The following SLCO1B1 variants were observed in gnomAD, a reference collection of about 807,000 sequenced individuals.
SLCO1B1 encodes the protein solute carrier organic anion transporter family member 1B1.
Under a neutral mutation model 70.1 loss-of-function variants are expected in SLCO1B1, and 81 were observed. That is an observed-to-expected ratio of 1.16 (90% CI 0.97 to 1.39). The LOEUF is 1.39. Ranked by LOEUF, SLCO1B1 falls within the 40% of genes most tolerant of loss-of-function variation. The pLI is 0.00. For missense variants in SLCO1B1, 895 were observed against 799.6 expected, an observed-to-expected ratio of 1.12 and a Z score of -1.44; for synonymous variants, 283 against 271.5, an observed-to-expected ratio of 1.04 and a Z score of -0.42.
At chr12:21,141,824 T>A (rs1940313638) in intron 2 of SLCO1B1, among the ~76,000 whole-genome samples, 166 bp downstream of exon 2, 1 of 151,972 alleles carries the variant, frequency 6.6e-6, no homozygotes, top group Non-Finnish European at 1.5e-5. Flanking sequence ...AAACCAGTCT[T>A]TTAATCTGAT....
chr12:21,206,648 A>G (rs1419410411), intron 11 of SLCO1B1, among the ~76,000 whole-genome samples: 1 of 151,920 alleles, frequency 6.6e-6, no homozygotes, highest in African/African-American at 2.4e-5. Flanking sequence ...TATGTCCCAT[A>G]GAAATGTCAT....
At chr12:21,205,104 CTCAT>C (rs1941200149) in intron 10 of SLCO1B1, among the ~76,000 whole-genome samples, 1 of 151,658 alleles carries the variant, frequency 6.6e-6, no homozygotes, top group Non-Finnish European at 1.5e-5. Context: ...AAATTATGTG[CTCAT>C]TCAAAGATAA....
chr12:21,152,533 C>CTGTTTTTTTT (rs1940484981), intron 2 of SLCO1B1, among the ~76,000 whole-genome samples: 1 of 34,358 alleles, frequency 2.9e-5, no homozygotes, highest in Non-Finnish European at 5.2e-5. Context: ...AGAGGAGAGG[C>CTGTTTTTTTT]TTTTTTTTTT....
intron 14 of SLCO1B1, among the ~76,000 whole-genome samples, chr12:21,236,836 A>G (rs1941600473): frequency 6.6e-6 from 1 of 152,208 alleles, no homozygotes; most frequent in Non-Finnish European, 1.5e-5. Flanking sequence ...CTGGTCAGCC[A>G]TCTTGAAAAG....
chr12:21,140,205 C>T (rs111847103), intron 1 of SLCO1B1, among the ~76,000 whole-genome samples: 1 of 151,998 alleles, frequency 6.6e-6, no homozygotes, highest in Non-Finnish European at 1.5e-5. Flanking sequence ...AACATAACTA[C>T]TGCAACAAGT....
intron 10 of SLCO1B1, 106 bp downstream of exon 10, chr12:21,202,792 A>C: frequency 1.1e-6 from 1 of 902,116 alleles, no homozygotes; most frequent in Non-Finnish European, 1.7e-6. Flanking sequence ...AACTTTCTTT[A>C]AGTTAAGAGA....
intron 2 of SLCO1B1, among the ~76,000 whole-genome samples, chr12:21,153,690 A>T (rs979082807): frequency 9.9e-5 from 15 of 151,926 alleles, no homozygotes; most frequent in African/African-American, 3.6e-4. Flanking sequence ...AAGATGTTGA[A>T]TTTTTTTCTT....
chr12:21,177,039 G>C lies in SLCO1B1; in HGVS notation c.481+142G>C, dbSNP rs540931079. ...TTTGACTCTTACAGACATAATTATA[G>C]TGTTAATATACACAGTTCGCCCATT... On this transcript the variant is annotated intron_variant, in intron 5 of 14. Transcript: ENST00000256958. 15 of 661,924 alleles carry C rather than the reference G, an allele frequency of 2.3e-5. No homozygotes were observed. The South Asian group carries it at 2.5e-4, about 11-fold the overall frequency. 41.0% of individuals were successfully genotyped at this position (661,924 alleles called of 1,614,324 possible). A position where few individuals can be genotyped will look rare whatever the true frequency, so the allele number is the denominator to read the frequency against.
At chr12:21,161,328 GC>G (rs1208274968) in intron 2 of SLCO1B1, among the ~76,000 whole-genome samples, 1 of 152,206 alleles carries the variant, frequency 6.6e-6, no homozygotes, top group African/African-American at 2.4e-5. Flanking sequence ...ATACTATGCA[GC>G]CATAAAAGAA....
chr12:21,237,976 G>A (rs888023127), intron 14 of SLCO1B1, among the ~76,000 whole-genome samples: 3 of 152,102 alleles, frequency 2.0e-5, no homozygotes, highest in African/African-American at 4.8e-5. Flanking sequence ...GTCTCCCAAA[G>A]TGCTGGGATT....
At chr12:21,184,238 T>A (rs192700152) in intron 7 of SLCO1B1, among the ~76,000 whole-genome samples, 2 of 152,266 alleles carry the variant, frequency 1.3e-5, no homozygotes, top group East Asian at 3.9e-4. Flanking sequence ...TGCAAATTCC[T>A]AAATTACAGA....
chr12:21,185,572 C>A (rs1305801519), intron 7 of SLCO1B1, among the ~76,000 whole-genome samples: 1 of 151,922 alleles, frequency 6.6e-6, no homozygotes, highest in Non-Finnish European at 1.5e-5. Flanking sequence ...TCACTAAAAT[C>A]TTTGGGATCT....
At chr12:21,210,848 T>G (rs1350608122) in intron 11 of SLCO1B1, among the ~76,000 whole-genome samples, 5 of 151,900 alleles carry the variant, frequency 3.3e-5, no homozygotes, top group Non-Finnish European at 5.9e-5. Flanking sequence ...CACTCATGAT[T>G]TGGCTCTCTG....
intron 7 of SLCO1B1, among the ~76,000 whole-genome samples, chr12:21,180,481 A>G (rs1175791451): frequency 6.6e-6 from 1 of 152,166 alleles, no homozygotes; most frequent in African/African-American, 2.4e-5. Context: ...TCTTTACCAC[A>G]TGACAGAATG....
chr12:21,209,497 T>G (rs1941254149), intron 11 of SLCO1B1, among the ~76,000 whole-genome samples: 1 of 152,174 alleles, frequency 6.6e-6, no homozygotes, highest in Non-Finnish European at 1.5e-5. Context: ...TTTGCTATTG[T>G]GAATAATGCC....
chr12:21,178,525 T>C (rs757056620), intron 5 of SLCO1B1, 51 bp from the exon 6 acceptor site: 1 of 1,331,780 alleles, frequency 7.5e-7, no homozygotes, highest in Non-Finnish European at 1.1e-6. Flanking sequence ...AAATTTGTAA[T>C]AGAAATGCTA....
chr12:21,193,520 T>C (rs190837967), intron 7 of SLCO1B1, among the ~76,000 whole-genome samples: 100 of 152,336 alleles, frequency 6.6e-4, no homozygotes, highest in African/African-American at 2.3e-3. Flanking sequence ...GGGTTGTATA[T>C]TCTTGGTGAA....
At chr12:21,185,431 A>G (rs1456329879) in intron 7 of SLCO1B1, among the ~76,000 whole-genome samples, 4 of 152,150 alleles carry the variant, frequency 2.6e-5, no homozygotes, top group African/African-American at 9.6e-5. Context: ...CAATAAAAAT[A>G]GAAATCAATA....
At chr12:21,204,546 G>A (rs765970525) in intron 10 of SLCO1B1, among the ~76,000 whole-genome samples, 40 of 151,510 alleles carry the variant, frequency 2.6e-4, no homozygotes, top group Non-Finnish European at 4.9e-4. Context: ...TGTGAGGTTG[G>A]CATTATTATC....
Sources: gnomAD v4.1 joint callset for allele counts (sites outside exome capture counted in the v4.1 genomes callset) on GRCh38, gnomAD v4.1.1 for gene constraint, MANE v1.5 for transcripts, NCBI Gene and HGNC (gene_info 2026-07-23, HGNC 2026-07-21) for gene names.